Variants in FSTL4 observed in about 807,000 individuals in gnomAD.
FSTL4 encodes follistatin-related protein 4.
FSTL4 carries 28 observed loss-of-function variants against 78.2 expected under a neutral mutation model. The observed-to-expected ratio is 0.36, with a 90% confidence interval of 0.27 to 0.49. The LOEUF is 0.49. Among genes scored for constraint, FSTL4 ranks in the 20% least tolerant of loss-of-function variants. The pLI, the probability that FSTL4 is intolerant of heterozygous loss-of-function variation, is 0.98. For synonymous variants in FSTL4, 422 were observed against 440.5 expected, an observed-to-expected ratio of 0.96 and a Z score of 0.53; for missense variants, 922 against 1,084.9, an observed-to-expected ratio of 0.85 and a Z score of 2.11.
chr5:133,582,766 T>A (rs993056193), intron 2 of FSTL4, among the ~76,000 whole-genome samples: 1 of 152,180 alleles, frequency 6.6e-6, no homozygotes, highest in Non-Finnish European at 1.5e-5. Context: ...CCAACCCACT[T>A]GAATGCCAGG....
the FSTL4 span, among the ~76,000 whole-genome samples, chr5:133,708,470 C>T: frequency 2.6e-5 from 4 of 152,180 alleles, no homozygotes; most frequent in Non-Finnish European, 5.9e-5. Context: ...TTATTACTCT[C>T]ACTGCTGGGC....
the FSTL4 span, among the ~76,000 whole-genome samples, chr5:133,775,919 T>C: frequency 7.9e-5 from 12 of 152,316 alleles, no homozygotes; most frequent in Admixed American, 3.3e-4. Flanking sequence ...TTGTTTATTT[T>C]GTTCTCCCAT....
intron 3 of FSTL4, among the ~76,000 whole-genome samples, chr5:133,486,025 G>A (rs781645172): frequency 6.6e-6 from 1 of 152,162 alleles, no homozygotes; most frequent in Admixed American, 6.5e-5. Context: ...CCCAGCTCCT[G>A]GGGGAATGGC....
the FSTL4 span, among the ~76,000 whole-genome samples, chr5:133,665,953 G>A: frequency 9.9e-5 from 15 of 152,154 alleles, no homozygotes. Context: ...CACATACCTG[G>A]GCCACTGGGG....
chr5:133,342,950 G>A (rs988513308), intron 4 of FSTL4, among the ~76,000 whole-genome samples: 5 of 152,068 alleles, frequency 3.3e-5, no homozygotes, highest in African/African-American at 1.2e-4. Context: ...TATACCATAA[G>A]GGGAGCTGCT....
At chr5:133,834,224 T>C in the FSTL4 span, among the ~76,000 whole-genome samples, 1 of 152,208 alleles carries the variant, frequency 6.6e-6, no homozygotes, top group African/African-American at 2.4e-5. Flanking sequence ...GGAAGTAAGC[T>C]GGCATGGTTT....
In FSTL4 at chr5:133,383,294, C is replaced by T. The variant is rs201791153; in HGVS notation, c.409+17444G>A. ...GAGCCACTCTCTCAGGAAGGAGGTT[C>T]GCCTTCTCCTGCCAAAATTCTCTTG... On this transcript the variant is annotated intron_variant, in intron 4 of 15. Coordinates refer to ENST00000265342, the MANE Select transcript of FSTL4 (RefSeq NM_015082.2). Among the ~76,000 whole-genome samples, 37 of 152,276 alleles carry T rather than the reference C, an allele frequency of 2.4e-4. No homozygotes were observed. In the East Asian group the frequency reaches 4.4e-3, roughly 18 times the overall value.
chr5:133,703,628 A>T, the FSTL4 span, among the ~76,000 whole-genome samples: 8 of 152,194 alleles, frequency 5.3e-5, no homozygotes, highest in Non-Finnish European at 4.4e-5. Context: ...ACCTGAGGAA[A>T]CTTCCAGAGA....
intron 3 of FSTL4, among the ~76,000 whole-genome samples, chr5:133,480,959 C>G (rs1456423072): frequency 6.6e-6 from 1 of 152,150 alleles, no homozygotes; most frequent in Non-Finnish European, 1.5e-5. Flanking sequence ...TTTACGGCCC[C>G]GTGTGTGGAG....
chr5:133,803,879 C>T, the FSTL4 span, among the ~76,000 whole-genome samples: 1 of 152,068 alleles, frequency 6.6e-6, no homozygotes, highest in Admixed American at 6.5e-5. Flanking sequence ...GAGAGGCGCT[C>T]ATGTGAGATT....
chr5:133,350,597 C>T (rs55861653), intron 4 of FSTL4, among the ~76,000 whole-genome samples: 2,047 of 152,302 alleles, frequency 0.013, 37 homozygotes, highest in African/African-American at 0.047. Flanking sequence ...GTAACAGGTA[C>T]GATCCACATA....
the FSTL4 span, among the ~76,000 whole-genome samples, chr5:133,798,706 A>G: frequency 1.4e-4 from 21 of 152,048 alleles, no homozygotes; most frequent in African/African-American, 4.8e-4. Flanking sequence ...ACATCAAGGG[A>G]CAACCGAAAT....
the FSTL4 span, among the ~76,000 whole-genome samples, chr5:133,785,148 C>A: frequency 6.6e-6 from 1 of 152,162 alleles, no homozygotes; most frequent in Non-Finnish European, 1.5e-5. Context: ...TCAAAGCACA[C>A]GAAGTCTTAC....
At chr5:133,257,457 TG>T (rs1310588435) in intron 6 of FSTL4, among the ~76,000 whole-genome samples, 3 of 152,230 alleles carry the variant, frequency 2.0e-5, no homozygotes, top group Non-Finnish European at 4.4e-5. Flanking sequence ...CAGGGTTACC[TG>T]GGCATCCCTC....
chr5:133,342,931 A>T (rs1308322305), intron 4 of FSTL4, among the ~76,000 whole-genome samples: 3 of 152,016 alleles, frequency 2.0e-5, no homozygotes, highest in South Asian at 2.1e-4. Flanking sequence ...CTGATTGCTC[A>T]CGGATCCTTA....
intron 3 of FSTL4, among the ~76,000 whole-genome samples, chr5:133,412,453 T>G (rs1199823041): frequency 6.6e-6 from 1 of 152,192 alleles, no homozygotes; most frequent in Non-Finnish European, 1.5e-5. Flanking sequence ...CAACCTGCTA[T>G]CCACCTAGAA....
chr5:133,507,585 T>C (rs1758635417), intron 3 of FSTL4, among the ~76,000 whole-genome samples: 2 of 150,996 alleles, frequency 1.3e-5, no homozygotes, highest in Admixed American at 1.3e-4. Context: ...TGCAGTGGCA[T>C]GATCTCAGCT....
the FSTL4 span, among the ~76,000 whole-genome samples, chr5:133,688,344 C>T: frequency 8.6e-5 from 13 of 151,990 alleles, no homozygotes; most frequent in Admixed American, 7.2e-4. Flanking sequence ...ACCCAGGAAG[C>T]GGAGGTTGTA....
intron 2 of FSTL4, among the ~76,000 whole-genome samples, chr5:133,601,648 TC>T (rs1561483276): frequency 8.3e-6 from 1 of 120,254 alleles, no homozygotes; most frequent in African/African-American, 3.8e-5. Flanking sequence ...CTCTCTGTTT[TC>T]TTTTTTTTCC....
Sources: gnomAD v4.1 joint callset for allele counts (sites outside exome capture counted in the v4.1 genomes callset) on GRCh38, gnomAD v4.1.1 for gene constraint, MANE v1.5 for transcripts, NCBI Gene and HGNC (gene_info 2026-07-23, HGNC 2026-07-21) for gene names.